REPS1: variants seen among roughly 807,000 people sequenced by gnomAD.
REPS1 encodes the protein ralBP1-associated Eps domain-containing protein 1.
REPS1 carries 39 observed loss-of-function variants against 100.9 expected under a neutral mutation model. The observed-to-expected ratio is 0.39, with a 90% CI of 0.30 to 0.50. The LOEUF is 0.50. REPS1 is among the 20% of genes least tolerant of loss of function. REPS1 has a pLI of 0.86. For missense variants in REPS1, 821 were observed against 968.5 expected (o/e 0.85, Z 2.02); for synonymous variants, 324 against 340.3 (o/e 0.95, Z 0.53).
chr6:138,984,875 A>G (rs1019940028), intron 1 of REPS1, among the ~76,000 whole-genome samples: 7 of 152,154 alleles, frequency 4.6e-5, no homozygotes, highest in African/African-American at 1.7e-4. Context: ...AGCACCTCAT[A>G]TAGTGGCTAC....
At chr6:138,933,148 T>A (rs144597638) in intron 8 of REPS1, among the ~76,000 whole-genome samples, 121 of 152,356 alleles carry the variant, frequency 7.9e-4, no homozygotes, top group African/African-American at 2.7e-3. Context: ...AAATACCATT[T>A]GTGCTTTGAT....
chr6:138,961,288 G>A (rs1783723147), intron 1 of REPS1, among the ~76,000 whole-genome samples: 1 of 152,110 alleles, frequency 6.6e-6, no homozygotes, highest in Non-Finnish European at 1.5e-5. Flanking sequence ...CCAGGCTGGA[G>A]TGCAGTGGCA....
chr6:138,984,119 A>G (rs974814338), intron 1 of REPS1, among the ~76,000 whole-genome samples: 1 of 137,844 alleles, frequency 7.3e-6, no homozygotes, highest in African/African-American at 2.8e-5. Context: ...TTGCTCTGTC[A>G]TCTAGGCTGG....
chr6:138,974,744 A>C (rs1784507187), intron 1 of REPS1, among the ~76,000 whole-genome samples: 1 of 152,174 alleles, frequency 6.6e-6, no homozygotes, highest in African/African-American at 2.4e-5. Context: ...CTGAAAGGAT[A>C]TTTCAAATAT....
At chr6:138,950,538 T>C (rs192142111) in intron 1 of REPS1, among the ~76,000 whole-genome samples, 2 of 152,290 alleles carry the variant, frequency 1.3e-5, no homozygotes, top group Admixed American at 1.3e-4. Context: ...CTTTTCTCCA[T>C]TAACTTGAAA....
chr6:138,948,406 C>T (rs1307112885), intron 1 of REPS1, among the ~76,000 whole-genome samples: 2 of 152,150 alleles, frequency 1.3e-5, no homozygotes, highest in African/African-American at 2.4e-5. Context: ...AAGTCTATCA[C>T]AATTTTTTCA....
chr6:138,916,376 A>G (rs1313715207), intron 13 of REPS1, among the ~76,000 whole-genome samples: 1 of 151,732 alleles, frequency 6.6e-6, no homozygotes, highest in Non-Finnish European at 1.5e-5. Flanking sequence ...GCATGCTACC[A>G]TGCCCGGCTA....
intron 8 of REPS1, among the ~76,000 whole-genome samples, chr6:138,935,213 C>A (rs1781729630): frequency 6.6e-6 from 1 of 151,954 alleles, no homozygotes; most frequent in Admixed American, 6.6e-5. Flanking sequence ...TCAATTAAAA[C>A]CAAAGGTTTA....
In REPS1 at chr6:138,907,313, A is replaced by AAGT. The variant is rs1554282170; in HGVS notation, c.2322+181_2322+182insACT. 6.0e-3 allele frequency: 810 copies of AAGT among 135,328 alleles called. 10 individuals carry two copies. Among genetic ancestry groups the AAGT allele is most frequent in the African/African-American group, 0.025 (724 of 29,300 alleles). 8.4% of individuals were successfully genotyped at this position (135,328 alleles called of 1,614,324 possible). A position where few individuals can be genotyped will look rare whatever the true frequency, so the allele number is the denominator to read the frequency against. On this transcript the variant is annotated intron_variant, in intron 19 of 19. Coordinates refer to ENST00000450536, the MANE Select transcript of REPS1 (RefSeq NM_001286611.2). Reference sequence around the variant, plus strand: ...GTGTCTCTTTAAAAAAAAAAAAAAAAGTGTGTGTGTGTGTGTGTGTGTGTG... The same window carrying AAGT: ...GTGTCTCTTTAAAAAAAAAAAAAAAAAGTGTGTGTGTGTGTGTGTGTGTGTGTG...
chr6:138,904,904 A>G lies in REPS1; in HGVS notation c.*160T>C, dbSNP rs558646228. The G allele has an allele frequency of 7.5e-5, 42 of 557,114 alleles. No homozygotes were observed. In the African/African-American group the frequency reaches 7.8e-4, roughly 10 times the overall value. 34.5% of individuals were successfully genotyped at this position (557,114 alleles called of 1,614,324 possible). A position where few individuals can be genotyped will look rare whatever the true frequency, so the allele number is the denominator to read the frequency against. On this transcript the variant is annotated 3_prime_UTR_variant, in exon 20 of 20. Transcript: ENST00000450536. ...GACCTTTTTATTGTCGAAATTAAAA[A>G]ATAAAAGATACTTAAATACAACGGT...
rs563852481 is a variant in REPS1 at position 138,953,705 on chromosome 6, C to T, written c.154-5792G>A. Among the ~76,000 whole-genome samples the T allele has an allele frequency of 4.0e-5, 6 of 148,748 alleles. No individual in the cohort carries two copies. The East Asian group carries it at 1.2e-3, about 29-fold the overall frequency. Reference sequence around the variant, plus strand: ...TCAAAAAAAAAAAAAAAAATGCTGGCGAGGATGCAGAAAAAAGGGAACTCA... The same window carrying T: ...TCAAAAAAAAAAAAAAAAATGCTGGTGAGGATGCAGAAAAAAGGGAACTCA... On this transcript the variant is annotated intron_variant, in intron 1 of 19. Transcript: ENST00000450536.
intron 1 of REPS1, among the ~76,000 whole-genome samples, chr6:138,964,844 C>G (rs17068189): frequency 0.088 from 13,368 of 151,992 alleles, 1,221 homozygotes; most frequent in African/African-American, 0.23. Context: ...ATCAAGAGAA[C>G]TCACCATCAC....
In REPS1 at chr6:138,945,649, T is replaced by C. The variant is rs1399174543; in HGVS notation, c.326A>G (p.Glu109Gly). Residue 109 changes from glutamate to glycine, a missense_variant, in exon 3 of 20, where the codon GAA becomes GGA. Coordinates refer to ENST00000450536, the MANE Select transcript of REPS1 (RefSeq NM_001286611.2). ...PRFVASKNEQ[E>G]SRHAASYSSD... ...AGAATATGAGGCTGCATGGCGAGAT[T>C]CCTGTTCATTCTTTGAAGCAACAAA... 1.2e-6 allele frequency: 2 copies of C among 1,611,930 alleles called. No individual in the cohort carries two copies. The highest frequency in any genetic ancestry group is 1.7e-6 in the Non-Finnish European group (2 of 1,179,326).
At position 138,987,541 on chromosome 6, in the gene REPS1, C is replaced by A; in HGVS notation, c.142G>T (p.Val48Leu). 3 of 1,549,680 alleles carry A rather than the reference C, an allele frequency of 1.9e-6. No homozygotes were observed. Among genetic ancestry groups the A allele is most frequent in the Non-Finnish European group, 2.6e-6 (3 of 1,146,284 alleles). The change falls in exon 1 of 20, where the codon GTG (valine) becomes TTG (leucine). Residue 48 changes from valine to leucine, a missense_variant. Val to Leu is a conservative substitution (Grantham distance 32). This residue lies in a region of REPS1 where 28 missense variants were observed against 65.3 expected (regional missense o/e 0.43). Transcript: ENST00000450536. ...GGACGCGACGTTACCTGTAGGACCACGTCGTTCGGCAGCTGCGCGGCCCGG... is the reference window on the plus strand; with the variant it reads ...GGACGCGACGTTACCTGTAGGACCAAGTCGTTCGGCAGCTGCGCGGCCCGG... ...LFRAAQLPND[V>L]VLQIMELCGA...
chr6:138,950,446 A>G (rs1223102663), intron 1 of REPS1, among the ~76,000 whole-genome samples: 1 of 152,140 alleles, frequency 6.6e-6, no homozygotes, highest in African/African-American at 2.4e-5. Context: ...GTTTTACTTC[A>G]CTCAAGCCTG....
Position 138,957,954 on chromosome 6 carries a change from A to T in REPS1, c.154-10041T>A, listed in dbSNP as rs557146822. On this transcript the variant is annotated intron_variant, in intron 1 of 19. Transcript: ENST00000450536. ...AATATAAATGTTATTAATATTACATATGTGAAAGTACCACTAAGAAACCGA... is the reference window on the plus strand; with the variant it reads ...AATATAAATGTTATTAATATTACATTTGTGAAAGTACCACTAAGAAACCGA... 3.1e-4 allele frequency among the ~76,000 whole-genome samples: 47 copies of T among 152,374 alleles called. No individual in the cohort carries two copies. In the South Asian group the frequency reaches 9.5e-3, roughly 31 times the overall value.
chr6:138,917,093 A>T (rs138815516), intron 13 of REPS1, among the ~76,000 whole-genome samples: 11 of 152,252 alleles, frequency 7.2e-5, no homozygotes, highest in Admixed American at 5.2e-4. Context: ...CTTGCAGACA[A>T]ATCTCTAGCC....
chr6:138,976,958 T>G (rs1360620719), intron 1 of REPS1, among the ~76,000 whole-genome samples: 1 of 152,246 alleles, frequency 6.6e-6, no homozygotes, highest in Non-Finnish European at 1.5e-5. Context: ...TACATTATGC[T>G]GAAGTTTTGT....
At chr6:138,923,497 T>C (rs1780912383) in intron 10 of REPS1, among the ~76,000 whole-genome samples, 1 of 152,354 alleles carries the variant, frequency 6.6e-6, no homozygotes, top group East Asian at 1.9e-4. Context: ...GCTGGGAATG[T>C]TAACTAGCAT....
Sources: gnomAD v4.1 joint callset for allele counts (sites outside exome capture counted in the v4.1 genomes callset) on GRCh38, gnomAD v4.1.1 for gene constraint, gnomAD v4.1.1 regional missense constraint, MANE v1.5 for transcripts, NCBI Gene and HGNC (gene_info 2026-07-23, HGNC 2026-07-21) for gene names.